Variants in HYDIN observed in about 807,000 individuals in gnomAD.
The protein encoded by HYDIN is axonemal central pair apparatus protein HYDIN.
HYDIN carries 132 observed loss-of-function variants against 403.9 expected under a neutral mutation model. The observed-to-expected ratio is 0.33, with a 90% CI of 0.28 to 0.38. HYDIN has a LOEUF of 0.38. Ranked by LOEUF, HYDIN falls within the 10% of genes least tolerant of loss-of-function variation. The pLI is 1.00. For synonymous variants in HYDIN, 1,202 were observed against 1,891.7 expected (o/e 0.64, Z 9.46); for missense variants, 2,827 against 5,009.5 (o/e 0.56, Z 13.15).
At chr16:70,899,671 T>C (rs2076308020) in intron 53 of HYDIN, among the ~76,000 whole-genome samples, 1 of 152,216 alleles carries the variant, frequency 6.6e-6, no homozygotes, top group Non-Finnish European at 1.5e-5. Context: ...GCAGTTCATA[T>C]AAGAAAGTAA....
intron 78 of HYDIN, among the ~76,000 whole-genome samples, chr16:70,835,159 G>A (rs1196045664): frequency 1.3e-5 from 2 of 151,520 alleles, no homozygotes; most frequent in East Asian, 4.0e-4. Context: ...ACCATGCCTG[G>A]CTAATTTTTT....
At chr16:70,943,198 G>A (rs1304291671) in intron 42 of HYDIN, among the ~76,000 whole-genome samples, 1 of 151,882 alleles carries the variant, frequency 6.6e-6, no homozygotes, top group African/African-American at 2.4e-5. Context: ...TTATTTTCTT[G>A]TCTTTAACTG....
chr16:71,000,921 T>C (rs1374022300), intron 23 of HYDIN, among the ~76,000 whole-genome samples: 1 of 152,220 alleles, frequency 6.6e-6, no homozygotes, highest in African/African-American at 2.4e-5. Flanking sequence ...ATGGGGCTCA[T>C]GAGCGCGGAC....
Position 70,837,870 on chromosome 16 carries a change from G to C in HYDIN, c.13062C>G (p.Thr4354=). 3 of 1,613,822 alleles carry C rather than the reference G, an allele frequency of 1.9e-6. No individual in the cohort carries two copies. Among genetic ancestry groups the C allele is most frequent in the Non-Finnish European group, 2.5e-6 (3 of 1,179,806 alleles). ...ETPMSIDCLY[T]NTTHLEVNSR... Reference sequence around the variant, plus strand: ...AGTTCACCTCGAGGTGAGTGGTGTTGGTGTACAGACAATCTATGCTGCAGA... The same window carrying C: ...AGTTCACCTCGAGGTGAGTGGTGTTCGTGTACAGACAATCTATGCTGCAGA... The change falls in exon 77 of 86, where the codon ACC becomes ACG. Residue 4354 remains threonine, a synonymous_variant. Transcript: ENST00000393567.
intron 23 of HYDIN, among the ~76,000 whole-genome samples, chr16:71,015,643 T>A (rs2080232653): frequency 6.6e-6 from 1 of 151,756 alleles, no homozygotes; most frequent in Non-Finnish European, 1.5e-5. Context: ...CTTCAGTGCT[T>A]CGCTAGGTCA....
chr16:71,161,249 C>G (rs985300240), intron 6 of HYDIN, among the ~76,000 whole-genome samples: 4 of 151,718 alleles, frequency 2.6e-5, no homozygotes, highest in Admixed American at 2.6e-4. Context: ...CTATGAGAAT[C>G]TAATGCCGCG....
At chr16:71,034,126 A>G (rs550503124) in intron 18 of HYDIN, among the ~76,000 whole-genome samples, 1 of 152,176 alleles carries the variant, frequency 6.6e-6, no homozygotes, top group South Asian at 2.1e-4. Context: ...CCTCCAAAGT[A>G]ACGCATACAG....
chr16:70,839,906 T>C (rs1043711777), intron 76 of HYDIN, among the ~76,000 whole-genome samples, 158 bp downstream of exon 76: 2 of 149,194 alleles, frequency 1.3e-5, no homozygotes, highest in African/African-American at 4.9e-5. Flanking sequence ...TAGTGTTAGT[T>C]ATGGGGACAG....
chr16:70,813,737 GC>G (rs1032740284), intron 84 of HYDIN, among the ~76,000 whole-genome samples: 3 of 151,092 alleles, frequency 2.0e-5, no homozygotes, highest in Non-Finnish European at 4.4e-5. Context: ...AACTTGACAA[GC>G]TGATTTCAAA....
chr16:71,215,385 T>G (rs574693675), intron 1 of HYDIN, among the ~76,000 whole-genome samples: 1 of 152,084 alleles, frequency 6.6e-6, no homozygotes, highest in South Asian at 2.1e-4. Context: ...TAAAGAAAAA[T>G]TCTAGCTGAT....
chr16:70,834,874 ATG>A lies in HYDIN; in HGVS notation c.13402-712_13402-711del, dbSNP rs976761309. 2.1e-4 allele frequency among the ~76,000 whole-genome samples: 31 copies of A among 146,112 alleles called. No homozygotes were observed. In the South Asian group the frequency reaches 2.4e-3, roughly 11 times the overall value. On this transcript the variant is annotated intron_variant, in intron 78 of 85. Coordinates refer to ENST00000393567, the MANE Select transcript of HYDIN (RefSeq NM_001270974.2). Reference sequence around the variant, plus strand: ...AAAAAAACCAAACAAACATATATATATGTGTGTGTGTGTGTGTATATATATAT... The same window carrying A: ...AAAAAAACCAAACAAACATATATATATGTGTGTGTGTGTGTATATATATAT...
chr16:70,837,456 T>C (rs1312455294), intron 77 of HYDIN, among the ~76,000 whole-genome samples: 3 of 152,210 alleles, frequency 2.0e-5, no homozygotes, highest in Non-Finnish European at 4.4e-5. Context: ...TATCCTTTGA[T>C]ACAGTAAAGT....
intron 1 of HYDIN, among the ~76,000 whole-genome samples, chr16:71,187,321 T>A (rs1465241478): frequency 2.0e-5 from 3 of 152,154 alleles, no homozygotes; most frequent in Admixed American, 1.3e-4. Flanking sequence ...AATACAAGGT[T>A]ACAGGGCTTC....
At position 70,865,169 on chromosome 16, in the gene HYDIN, C is replaced by G. The variant is rs1352898511; in HGVS notation, c.11471+1000G>C. The stretch of plus-strand genomic sequence containing the variant: ...TGTTGCTCTCTCTGCCTAGAGAGAG[C>G]CCTTCATTCTCGCTTCTTCACTTGG... On this transcript the variant is annotated intron_variant, in intron 67 of 85. Coordinates refer to ENST00000393567, the MANE Select transcript of HYDIN (RefSeq NM_001270974.2). 4.4e-5 allele frequency: 15 copies of G among 343,322 alleles called. 1 individual carries two copies. The highest frequency in any genetic ancestry group is 3.3e-4 in the South Asian group (14 of 42,968). 21.3% of individuals were successfully genotyped at this position (343,322 alleles called of 1,614,324 possible).
intron 3 of HYDIN, among the ~76,000 whole-genome samples, chr16:71,182,252 G>A (rs568225151): frequency 6.6e-6 from 1 of 152,218 alleles, no homozygotes; most frequent in South Asian, 2.1e-4. Context: ...TGAGTAATGG[G>A]AAGTCACTGG....
chr16:70,962,141 GC>G lies in HYDIN; in HGVS notation c.5789-4del. 1.4e-6 allele frequency: 1 copy of G among 711,610 alleles called. No individual in the cohort carries two copies. The highest frequency in any genetic ancestry group is 2.3e-6 in the Non-Finnish European group (1 of 444,074). 44.1% of individuals were successfully genotyped at this position (711,610 alleles called of 1,614,324 possible). On this transcript the variant is annotated splice_region_variant and splice_polypyrimidine_tract_variant and intron_variant, in intron 37 of 85. Coordinates refer to ENST00000393567, the MANE Select transcript of HYDIN (RefSeq NM_001270974.2). Reference sequence around the variant, plus strand: ...TGATGAGGTTATATCTTCCTCTTCTGCCAGGTAGCAAAGGATGAAAACACCA... The same window carrying G: ...TGATGAGGTTATATCTTCCTCTTCTGCAGGTAGCAAAGGATGAAAACACCA...
At chr16:70,923,760 G>A (rs1260088897) in intron 45 of HYDIN, among the ~76,000 whole-genome samples, 17 of 149,096 alleles carry the variant, frequency 1.1e-4, no homozygotes, top group Non-Finnish European at 2.1e-4. Flanking sequence ...GGCAGAGCTT[G>A]CAGTGAGCCG....
intron 53 of HYDIN, among the ~76,000 whole-genome samples, chr16:70,897,363 G>A (rs1157866679): frequency 4.6e-5 from 7 of 152,196 alleles, no homozygotes; most frequent in Non-Finnish European, 1.0e-4. Flanking sequence ...TATTGCATGT[G>A]CTTTGGGTGC....
rs752947379 is a variant in HYDIN, at chr16:70,868,773, G to A, written c.11107C>T (p.Pro3703Ser). ...ACCACTATGTCCTTGGCACACCCAG[G>A]GTGGAGGTGGCCCATCTAGGAAAGA... is the stretch of plus-strand genomic sequence containing the variant. ...AFSPQMGHLH[P>S]GCAKDIVVTM... The change falls in exon 66 of 86, where the codon CCT becomes TCT. Residue 3703 changes from proline to serine, a missense_variant. Pro to Ser is a moderately conservative substitution (Grantham distance 74). Coordinates refer to ENST00000393567, the MANE Select transcript of HYDIN (RefSeq NM_001270974.2). 3.4e-5 allele frequency: 55 copies of A among 1,613,782 alleles called. No individual in the cohort carries two copies. Among genetic ancestry groups the A allele is most frequent in the Non-Finnish European group, 4.7e-5 (55 of 1,179,962 alleles).
Sources: allele counts gnomAD v4.1 joint callset (sites outside exome capture counted in the v4.1 genomes callset), GRCh38; gene constraint gnomAD v4.1.1; transcripts MANE v1.5; gene names NCBI Gene and HGNC (gene_info 2026-07-23, HGNC 2026-07-21).